Variants in SKA2 observed in about 807,000 individuals in gnomAD.
SKA2 encodes the protein spindle and kinetochore-associated protein 2.
A neutral mutation model predicts 16.9 loss-of-function variants in SKA2; 13 were observed. The observed-to-expected ratio is 0.77, with a 90% CI of 0.50 to 1.22. The LOEUF is 1.22. Among genes scored for constraint, SKA2 ranks in the 50% most tolerant of loss-of-function variants. The pLI, the probability that SKA2 is intolerant of heterozygous loss-of-function variation, is 0.00. For synonymous variants in SKA2, 47 were observed against 48.5 expected (o/e 0.97, Z 0.13); for missense variants, 107 against 139.7 (o/e 0.77, Z 1.18).
chr17:59,154,545 C>A (rs2046606243), intron 1 of SKA2, among the ~76,000 whole-genome samples: 2 of 152,238 alleles, frequency 1.3e-5, no homozygotes, highest in Admixed American at 1.3e-4. Flanking sequence ...TTCGCTCACA[C>A]CTCTTCCCTC....
intron 3 of SKA2, 122 bp downstream of exon 3, chr17:59,119,197 A>T (rs1412519260): frequency 9.5e-7 from 1 of 1,055,906 alleles, no homozygotes; most frequent in Non-Finnish European, 1.3e-6. Context: ...GTATCAGGAA[A>T]ATCTTTCAAT....
intron 1 of SKA2, among the ~76,000 whole-genome samples, chr17:59,135,021 G>T (rs2046434575): frequency 6.6e-6 from 1 of 151,888 alleles, no homozygotes; most frequent in Non-Finnish European, 1.5e-5. Context: ...TTTTAGTAGA[G>T]ACGGGGTTTC....
At chr17:59,127,190 T>A (rs1033088744) in intron 2 of SKA2, among the ~76,000 whole-genome samples, 1 of 152,098 alleles carries the variant, frequency 6.6e-6, no homozygotes, top group African/African-American at 2.4e-5. Flanking sequence ...GATGGTGATA[T>A]TGTACAATAA....
intron 3 of SKA2, among the ~76,000 whole-genome samples, chr17:59,116,597 C>T (rs2046297810): frequency 6.6e-6 from 1 of 151,926 alleles, no homozygotes; most frequent in African/African-American, 2.4e-5. Context: ...TTCTACCCTT[C>T]CAAATGAAAA....
intron 2 of SKA2, among the ~76,000 whole-genome samples, chr17:59,121,131 G>A (rs546846388): frequency 1.1e-3 from 152 of 142,684 alleles, no homozygotes; most frequent in African/African-American, 3.7e-3. Flanking sequence ...CAGCCTGGGC[G>A]ACTGAGGGAG....
rs148633327 is a variant in SKA2, at chr17:59,120,692, G to A, written c.121-1197C>T. ...TCTGAAACTTCCAGGTGATAGGTAA[G>A]GGACTGGGGTAGGCTGAGGAGGAAA... On this transcript the variant is annotated intron_variant, in intron 2 of 3. Coordinates refer to ENST00000330137, the MANE Select transcript of SKA2 (RefSeq NM_182620.4). Among the ~76,000 whole-genome samples, 232 of 152,302 alleles carry A rather than the reference G, an allele frequency of 1.5e-3. 1 individual carries two copies. Among genetic ancestry groups the A allele is most frequent in the African/African-American group, 5.4e-3 (225 of 41,560 alleles).
At chr17:59,132,222 G>A (rs929601575) in intron 1 of SKA2, among the ~76,000 whole-genome samples, 1 of 152,076 alleles carries the variant, frequency 6.6e-6, no homozygotes, top group Admixed American at 6.6e-5. Flanking sequence ...TGTGCATGGT[G>A]GCAGAAGCCT....
At chr17:59,127,050 AGAG>A in intron 2 of SKA2, among the ~76,000 whole-genome samples, 1 of 152,332 alleles carries the variant, frequency 6.6e-6, no homozygotes. Context: ...ATGAGTCCCT[AGAG>A]TAGTCAAATT....
chr17:59,110,551 G>A lies in SKA2; in HGVS notation c.*1726C>T, dbSNP rs2046256892. 1 of 152,188 alleles carries A rather than the reference G, an allele frequency of 6.6e-6. No homozygotes were observed. The highest frequency in any genetic ancestry group is 1.5e-5 in the Non-Finnish European group (1 of 68,072). 9.4% of individuals were successfully genotyped at this position (152,188 alleles called of 1,614,324 possible). A position where few individuals can be genotyped will look rare whatever the true frequency, so the allele number is the denominator to read the frequency against. On this transcript the variant is annotated 3_prime_UTR_variant, in exon 4 of 4. Transcript: ENST00000330137. ...CTCATGCCTGTAATCCCAGCACTTT[G>A]GGAGGCCGAGGTGGGTGGATCACCA...
At chr17:59,128,638 AAAAG>A (rs1385222800) in intron 2 of SKA2, among the ~76,000 whole-genome samples, 1 of 152,054 alleles carries the variant, frequency 6.6e-6, no homozygotes, top group Non-Finnish European at 1.5e-5. Flanking sequence ...AAAAAAAAAA[AAAAG>A]AAACATCCTA....
chr17:59,147,051 G>A (rs990881437), intron 1 of SKA2, among the ~76,000 whole-genome samples: 4 of 151,776 alleles, frequency 2.6e-5, no homozygotes, highest in African/African-American at 7.3e-5. Context: ...CCAGCTACTA[G>A]GGAGGCTGAG....
chr17:59,127,585 T>C (rs1433483973), intron 2 of SKA2, among the ~76,000 whole-genome samples: 1 of 151,938 alleles, frequency 6.6e-6, no homozygotes, highest in Non-Finnish European at 1.5e-5. Flanking sequence ...ACGGGTTTCA[T>C]CATGTTAGCC....
chr17:59,121,331 A>G (rs756435940), intron 2 of SKA2, among the ~76,000 whole-genome samples: 5 of 151,802 alleles, frequency 3.3e-5, no homozygotes, highest in Non-Finnish European at 7.4e-5. Flanking sequence ...CAGGAATAAA[A>G]CAAAGGGAAG....
Position 59,112,155 on chromosome 17 carries a change from T to A in SKA2, c.*122A>T. The A allele has an allele frequency of 1.4e-6, 1 of 701,730 alleles. No individual in the cohort carries two copies. The highest frequency in any genetic ancestry group is 1.9e-5 in the South Asian group (1 of 53,928). The allele number at this position is 701,730 out of a possible 1,614,324, so 43.5% of individuals were successfully genotyped here. ...ATGAAAGATATCATTATCCAGTCAT[T>A]GAAGCCAAACCCCCTTCACCAGCCC... On this transcript the variant is annotated 3_prime_UTR_variant, in exon 4 of 4. Transcript: ENST00000330137.
At chr17:59,142,367 C>T (rs1413234831) in intron 1 of SKA2, among the ~76,000 whole-genome samples, 6 of 150,560 alleles carry the variant, frequency 4.0e-5, no homozygotes, top group Non-Finnish European at 5.9e-5. Context: ...CTCGGCTCAC[C>T]GCAACCTCTG....
At chr17:59,115,445 T>C (rs747805480) in intron 3 of SKA2, among the ~76,000 whole-genome samples, 5 of 152,206 alleles carry the variant, frequency 3.3e-5, no homozygotes, top group Admixed American at 1.3e-4. Context: ...GATTCTGATA[T>C]GCAGCTGGTT....
chr17:59,140,224 T>C (rs2046477340), intron 1 of SKA2, among the ~76,000 whole-genome samples: 1 of 151,492 alleles, frequency 6.6e-6, no homozygotes, highest in African/African-American at 2.4e-5. Flanking sequence ...CAGTTCCCAA[T>C]CTGCAAGCTT....
intron 1 of SKA2, among the ~76,000 whole-genome samples, chr17:59,136,722 T>C (rs946515447): frequency 6.6e-6 from 1 of 151,962 alleles, no homozygotes; most frequent in African/African-American, 2.4e-5. Flanking sequence ...CTAAGTTTTG[T>C]ATTTTTAGTA....
intron 1 of SKA2, among the ~76,000 whole-genome samples, chr17:59,142,500 G>A (rs911038509): frequency 6.6e-6 from 1 of 151,826 alleles, no homozygotes; most frequent in African/African-American, 2.4e-5. Context: ...ATGTTGGTCA[G>A]GCTGCTCTCG....
Sources: allele counts gnomAD v4.1 joint callset (sites outside exome capture counted in the v4.1 genomes callset), GRCh38; gene constraint gnomAD v4.1.1; transcripts MANE v1.5; gene names NCBI Gene and HGNC (gene_info 2026-07-23, HGNC 2026-07-21).